The following DLGAP2 variants were observed in gnomAD, a reference collection of about 807,000 sequenced individuals.
DLGAP2 encodes disks large-associated protein 2.
Under a neutral mutation model 100.3 loss-of-function variants are expected in DLGAP2, and 26 were observed. The ratio of observed to expected loss-of-function variants is 0.26; its 90% CI spans 0.19 to 0.36. DLGAP2 has a LOEUF of 0.36. DLGAP2 is among the 10% of genes least tolerant of loss of function. The pLI is 1.00. For synonymous variants in DLGAP2, 886 were observed against 630.1 expected, an observed-to-expected ratio of 1.41 and a Z score of -6.08; for missense variants, 1,858 against 1,453.2, an observed-to-expected ratio of 1.28 and a Z score of -4.53.
intron 8 of DLGAP2, among the ~76,000 whole-genome samples, chr8:1,666,070 C>G (rs1472915494): frequency 2.0e-5 from 3 of 152,194 alleles, no homozygotes; most frequent in Non-Finnish European, 4.4e-5. Flanking sequence ...CGCGTCCCAC[C>G]CGGAAAAACG....
chr8:1,662,646 C>G (rs1297256699), intron 8 of DLGAP2, among the ~76,000 whole-genome samples: 2 of 152,268 alleles, frequency 1.3e-5, no homozygotes, highest in Non-Finnish European at 2.9e-5. Context: ...TAAGCCCATT[C>G]AGACTTCCAC....
intron 1 of DLGAP2, among the ~76,000 whole-genome samples, chr8:872,333 C>CTTTTT (rs1191019452): frequency 1.3e-4 from 13 of 100,156 alleles, no homozygotes; most frequent in African/African-American, 1.5e-4. Flanking sequence ...CACTTCTTTT[C>CTTTTT]TTTTTTTTTT....
chr8:1,284,402 A>T (rs941690450), intron 3 of DLGAP2, among the ~76,000 whole-genome samples: 11 of 152,250 alleles, frequency 7.2e-5, no homozygotes, highest in African/African-American at 2.4e-4. Flanking sequence ...GAGGTGCAGC[A>T]CGGAGAGGAG....
intron 3 of DLGAP2, among the ~76,000 whole-genome samples, chr8:1,299,529 A>G (rs941153221): frequency 2.6e-5 from 4 of 152,374 alleles, no homozygotes; most frequent in African/African-American, 7.2e-5. Flanking sequence ...GGAACGGTCC[A>G]TGCCAACTGC....
chr8:947,971 G>A (rs1799372087), intron 2 of DLGAP2, among the ~76,000 whole-genome samples: 1 of 148,566 alleles, frequency 6.7e-6, no homozygotes, highest in Non-Finnish European at 1.5e-5. Flanking sequence ...CGTGCGCCAT[G>A]GCTTCCCTGA....
chr8:1,676,304 G>A (rs969012688), intron 10 of DLGAP2, among the ~76,000 whole-genome samples: 2 of 152,182 alleles, frequency 1.3e-5, no homozygotes, highest in African/African-American at 4.8e-5. Flanking sequence ...AGACCAAACT[G>A]CAGCCTTGAG....
At chr8:1,007,339 C>G (rs1365110069) in intron 2 of DLGAP2, among the ~76,000 whole-genome samples, 3 of 152,242 alleles carry the variant, frequency 2.0e-5, no homozygotes, top group Admixed American at 6.5e-5. Flanking sequence ...GCCCACGTCT[C>G]ACTCTGGTGA....
At chr8:1,064,327 T>C (rs17740799) in intron 2 of DLGAP2, among the ~76,000 whole-genome samples, 44,024 of 152,144 alleles carry the variant, frequency 0.29, 6,849 homozygotes, top group Middle Eastern at 0.35. Flanking sequence ...TGGAAAAATA[T>C]AGCTGCAAGA....
Position 1,704,417 on chromosome 8 carries a change from A to G in DLGAP2, c.*3011A>G, listed in dbSNP as rs1799650885. ...TGAAGGCTGTGGTTAATAAAACACA[A>G]GTATGATAAACAGGACCTAGCGTTT... is the stretch of plus-strand genomic sequence containing the variant. On this transcript the variant is annotated 3_prime_UTR_variant, in exon 15 of 15. Transcript: ENST00000637795. The G allele has an allele frequency of 3.3e-5, 5 of 152,372 alleles. No homozygotes were observed. In the South Asian group the frequency reaches 1.0e-3, roughly 32 times the overall value. 9.4% of individuals were successfully genotyped at this position (152,372 alleles called of 1,614,324 possible). A position where few individuals can be genotyped will look rare whatever the true frequency, so the allele number is the denominator to read the frequency against.
At chr8:1,098,182 C>G (rs901903378) in intron 2 of DLGAP2, among the ~76,000 whole-genome samples, 23 of 152,398 alleles carry the variant, frequency 1.5e-4, no homozygotes, top group African/African-American at 5.0e-4. Context: ...TGGAGCTGGA[C>G]TGAGTCCCGG....
At chr8:942,111 T>C (rs183904346) in intron 2 of DLGAP2, among the ~76,000 whole-genome samples, 4 of 152,320 alleles carry the variant, frequency 2.6e-5, no homozygotes, top group Non-Finnish European at 5.9e-5. Flanking sequence ...TGCATGCCAC[T>C]ATGTCCAGCT....
chr8:1,355,079 T>C (rs1005063475), intron 3 of DLGAP2, among the ~76,000 whole-genome samples: 11 of 152,096 alleles, frequency 7.2e-5, no homozygotes, highest in Admixed American at 5.2e-4. Flanking sequence ...GGGTGGAAAG[T>C]CACGGATGAT....
At chr8:1,693,125 G>C (rs1799296201) in intron 13 of DLGAP2, among the ~76,000 whole-genome samples, 1 of 145,706 alleles carries the variant, frequency 6.9e-6, no homozygotes, top group Admixed American at 7.0e-5. Flanking sequence ...ATATATACAT[G>C]CTAAACATTA....
At chr8:877,034 A>G (rs1474389203) in intron 1 of DLGAP2, among the ~76,000 whole-genome samples, 1 of 147,970 alleles carries the variant, frequency 6.8e-6, no homozygotes, top group Non-Finnish European at 1.5e-5. Context: ...ACATTCTTCT[A>G]CCATCTTTAC....
chr8:1,337,491 A>C (rs1479582203), intron 3 of DLGAP2, among the ~76,000 whole-genome samples: 1 of 34,876 alleles, frequency 2.9e-5, no homozygotes. Flanking sequence ...TGGGGATGAT[A>C]GTGGTGATGA....
intron 1 of DLGAP2, among the ~76,000 whole-genome samples, chr8:878,167 A>C (rs1035610981): frequency 2.0e-5 from 3 of 152,200 alleles, no homozygotes; most frequent in Non-Finnish European, 2.9e-5. Flanking sequence ...AGAGACTTGA[A>C]TATATTTAAG....
At chr8:1,594,283 T>G (rs1193494728) in intron 6 of DLGAP2, among the ~76,000 whole-genome samples, 1 of 152,136 alleles carries the variant, frequency 6.6e-6, no homozygotes, top group Non-Finnish European at 1.5e-5. Flanking sequence ...GAAATGAAGT[T>G]ATATGATTTA....
intron 2 of DLGAP2, among the ~76,000 whole-genome samples, chr8:969,223 A>G (rs1412765427): frequency 1.3e-5 from 2 of 152,184 alleles, no homozygotes; most frequent in Admixed American, 6.5e-5. Context: ...TTCCTGCTTC[A>G]TGGCCTCCGA....
At chr8:875,982 G>A (rs1797681709) in intron 1 of DLGAP2, among the ~76,000 whole-genome samples, 1 of 152,144 alleles carries the variant, frequency 6.6e-6, no homozygotes, top group Non-Finnish European at 1.5e-5. Context: ...AAACGCAACA[G>A]CACATTGTTA....
Sources: gnomAD v4.1 joint callset for allele counts (sites outside exome capture counted in the v4.1 genomes callset) on GRCh38, gnomAD v4.1.1 for gene constraint, MANE v1.5 for transcripts, NCBI Gene and HGNC (gene_info 2026-07-23, HGNC 2026-07-21) for gene names.